Variants in UBE3D observed in about 807,000 individuals in gnomAD.
The protein encoded by UBE3D is E3 ubiquitin-protein ligase E3D.
A neutral mutation model predicts 49.6 loss-of-function variants in UBE3D; 48 were observed. That is an observed-to-expected ratio of 0.97 (90% CI 0.77 to 1.23). The LOEUF (loss-of-function observed/expected upper bound fraction) is 1.23, where lower values mean the gene tolerates loss of function less well. UBE3D is among the 50% of genes most tolerant of loss of function. The pLI, the probability that UBE3D is intolerant of heterozygous loss-of-function variation, is 0.00. For missense variants in UBE3D, 452 were observed against 468.4 expected, an observed-to-expected ratio of 0.96 and a Z score of 0.32; for synonymous variants, 189 against 174.2, an observed-to-expected ratio of 1.08 and a Z score of -0.67.
chr6:82,919,560 C>T (rs1773173394), intron 9 of UBE3D, among the ~76,000 whole-genome samples: 2 of 151,732 alleles, frequency 1.3e-5, no homozygotes, highest in African/African-American at 2.4e-5. Flanking sequence ...CACACCACTG[C>T]ACTCCAGCCT....
At chr6:82,963,966 T>C (rs576876826) in intron 8 of UBE3D, among the ~76,000 whole-genome samples, 42 of 152,194 alleles carry the variant, frequency 2.8e-4, no homozygotes, top group Non-Finnish European at 4.4e-4. Flanking sequence ...ATAAGAAAGA[T>C]ACTTCAAAAG....
downstream of UBE3D, among the ~76,000 whole-genome samples, chr6:82,890,413 C>T (rs375732042): frequency 3.9e-5 from 6 of 152,164 alleles, no homozygotes; most frequent in Non-Finnish European, 5.9e-5. Flanking sequence ...ACTTTGAGCA[C>T]GGGCATAGCT....
intron 8 of UBE3D, among the ~76,000 whole-genome samples, chr6:82,979,926 A>G (rs1300698020): frequency 6.6e-6 from 1 of 152,118 alleles, no homozygotes; most frequent in Non-Finnish European, 1.5e-5. Flanking sequence ...ACATGATTTC[A>G]TTCTTTTTCA....
chr6:83,040,465 G>A (rs1364179687), intron 4 of UBE3D, among the ~76,000 whole-genome samples: 1 of 151,764 alleles, frequency 6.6e-6, no homozygotes, highest in Non-Finnish European at 1.5e-5. Context: ...TCATACTGGG[G>A]TCTTTCTCTA....
At chr6:83,016,105 A>AT (rs1466282897) in intron 8 of UBE3D, among the ~76,000 whole-genome samples, 1 of 152,034 alleles carries the variant, frequency 6.6e-6, no homozygotes, top group African/African-American at 2.4e-5. Flanking sequence ...CTTTTGTCTG[A>AT]TTTTCCACAA....
At chr6:82,887,392 T>TTTGTTTTGTTTTTTTTG (rs1217315802), downstream of UBE3D, among the ~76,000 whole-genome samples, 1 of 136,562 alleles carries the variant, frequency 7.3e-6, no homozygotes, top group African/African-American at 2.9e-5. Flanking sequence ...AGTAACAGTT[T>TTTGTTTTGTTTTTTTTG]TTTTTTTTTT....
At chr6:83,007,201 C>T (rs1780037946) in intron 8 of UBE3D, among the ~76,000 whole-genome samples, 1 of 152,098 alleles carries the variant, frequency 6.6e-6, no homozygotes, top group Admixed American at 6.6e-5. Flanking sequence ...CTATATTCTA[C>T]TAAAGCTGAA....
rs778213808 is a variant in UBE3D at position 83,018,952 on chromosome 6, G to A, written c.1010+21C>T. The A allele has an allele frequency of 1.9e-6, 3 of 1,610,024 alleles. No individual in the cohort carries two copies. In the East Asian group the frequency reaches 6.7e-5, roughly 36 times the overall value. Reference sequence around the variant, plus strand: ...AAAGCTAAAACATAATGTGGAAAGAGAAAACAAATGCACAACTTACTTTTC... The same window carrying A: ...AAAGCTAAAACATAATGTGGAAAGAAAAAACAAATGCACAACTTACTTTTC... On this transcript the variant is annotated intron_variant, in intron 8 of 9. Transcript: ENST00000369747.
At chr6:83,008,238 A>T (rs1487354929) in intron 8 of UBE3D, among the ~76,000 whole-genome samples, 3 of 152,220 alleles carry the variant, frequency 2.0e-5, no homozygotes, top group Admixed American at 6.5e-5. Context: ...GTCTCCAGAC[A>T]TTGCCAAATG....
chr6:82,905,583 T>C (rs1021536071), intron 9 of UBE3D, among the ~76,000 whole-genome samples: 6 of 152,024 alleles, frequency 3.9e-5, no homozygotes, highest in Non-Finnish European at 7.4e-5. Context: ...AATGTTCAAG[T>C]GGAAGGAAGA....
intron 8 of UBE3D, among the ~76,000 whole-genome samples, chr6:82,970,713 T>A (rs1777289949): frequency 6.6e-6 from 1 of 151,718 alleles, no homozygotes; most frequent in South Asian, 2.1e-4. Flanking sequence ...GTGGCAGGCA[T>A]CTGTAGTCCC....
chr6:82,949,924 T>C (rs996122988), intron 9 of UBE3D, among the ~76,000 whole-genome samples: 3 of 152,098 alleles, frequency 2.0e-5, no homozygotes, highest in African/African-American at 4.8e-5. Context: ...TAAGAAAACA[T>C]TGGGGAAACT....
At chr6:83,055,415 AAGGG>A (rs1290612119) in intron 2 of UBE3D, among the ~76,000 whole-genome samples, 5 of 152,240 alleles carry the variant, frequency 3.3e-5, no homozygotes, top group African/African-American at 1.2e-4. Context: ...AACAGTTTTT[AAGGG>A]GTGGCCAGAA....
chr6:82,972,827 T>A (rs1463849059), intron 8 of UBE3D, among the ~76,000 whole-genome samples: 1 of 152,200 alleles, frequency 6.6e-6, no homozygotes, highest in African/African-American at 2.4e-5. Flanking sequence ...AAAATTATAT[T>A]TTTAAAAAGA....
intron 9 of UBE3D, among the ~76,000 whole-genome samples, chr6:82,910,940 T>C (rs1772457715): frequency 6.6e-6 from 1 of 152,098 alleles, no homozygotes; most frequent in Non-Finnish European, 1.5e-5. Flanking sequence ...TTTTGTGTCA[T>C]CCTAGTCTGT....
intron 8 of UBE3D, among the ~76,000 whole-genome samples, chr6:82,974,361 C>T (rs1777565620): frequency 6.6e-6 from 1 of 152,046 alleles, no homozygotes; most frequent in Non-Finnish European, 1.5e-5. Context: ...CCAGGACCCC[C>T]CACAACAACC....
intron 9 of UBE3D, among the ~76,000 whole-genome samples, chr6:82,937,039 C>A (rs139235376): frequency 6.6e-6 from 1 of 152,302 alleles, no homozygotes; most frequent in Non-Finnish European, 1.5e-5. Flanking sequence ...CTTTTCTTTA[C>A]TGCTCCATAG....
chr6:83,023,368 A>G (rs1781235716), intron 6 of UBE3D, among the ~76,000 whole-genome samples: 1 of 152,232 alleles, frequency 6.6e-6, no homozygotes, highest in South Asian at 2.1e-4. Flanking sequence ...CTATATGATC[A>G]AAACATTTTT....
At chr6:83,038,330 T>A (rs1162392475) in intron 5 of UBE3D, 86 bp downstream of exon 5, 2 of 1,081,958 alleles carry the variant, frequency 1.8e-6, no homozygotes, top group African/African-American at 3.2e-5. Flanking sequence ...TAATCATCTA[T>A]CTTTCCTATA....
Sources: gnomAD v4.1 joint callset for allele counts (sites outside exome capture counted in the v4.1 genomes callset) on GRCh38, gnomAD v4.1.1 for gene constraint, MANE v1.5 for transcripts, NCBI Gene and HGNC (gene_info 2026-07-23, HGNC 2026-07-21) for gene names.